The following CYP11B2 variants were observed in gnomAD, a reference collection of about 807,000 sequenced individuals.
CYP11B2 encodes the protein cytochrome P450 11B2, mitochondrial.
A neutral mutation model predicts 49.3 loss-of-function variants in CYP11B2; 38 were observed. The ratio of observed to expected loss-of-function variants is 0.77; its 90% CI spans 0.59 to 1.01. The LOEUF is 1.01. Among genes scored for constraint, CYP11B2 ranks in the 50% least tolerant of loss-of-function variants. The probability of loss-of-function intolerance (pLI) is 0.00; values close to 1 mark genes in which losing one functional copy is unlikely to be tolerated. For missense variants in CYP11B2, 669 were observed against 655.5 expected (o/e 1.02, Z -0.23); for synonymous variants, 290 against 269.3 (o/e 1.08, Z -0.75).
chr8:142,914,906 T>A lies in CYP11B2; in HGVS notation c.598A>T (p.Ser200Cys). Reference protein sequence around the residue: ...PSIFHYTIEASNLALFGERLG... With the variant: ...PSIFHYTIEACNLALFGERLG... ...CGCTCTCCAAAAAGAGCTAAGTTGC[T>A]GGCTGCGGGGAGGATGCACTGCTGA... Residue 200 changes from serine (S) to cysteine (C), a missense_variant and splice_region_variant, in exon 4 of 9, where the codon AGC (serine) becomes TGC (cysteine). Transcript: ENST00000323110. 5 of 1,613,810 alleles carry A rather than the reference T, an allele frequency of 3.1e-6. No individual in the cohort carries two copies. Among genetic ancestry groups the A allele is most frequent in the Non-Finnish European group, 4.2e-6 (5 of 1,179,968 alleles).
chr8:142,912,515 C>G lies in CYP11B2; in HGVS notation c.1398+15G>C, dbSNP rs1166643223. ...CTGCTGCCCAGGTCCCGCCCCCGCC[C>G]CCAGGCCTGCTTACGTGGTGCAGCA... On this transcript the variant is annotated intron_variant, in intron 8 of 8. Coordinates refer to ENST00000323110, the MANE Select transcript of CYP11B2 (RefSeq NM_000498.3). 1 of 1,611,192 alleles carries G rather than the reference C, an allele frequency of 6.2e-7. No individual in the cohort carries two copies. Among genetic ancestry groups the G allele is most frequent in the East Asian group, 2.2e-5 (1 of 44,860 alleles).
intron 1 of CYP11B2, 142 bp downstream of exon 1, chr8:142,917,460 T>A (rs1261255545): frequency 9.3e-6 from 15 of 1,608,996 alleles, no homozygotes; most frequent in Middle Eastern, 1.7e-4. Flanking sequence ...CAGACCAGCA[T>A]GTGCTGCACT....
At position 142,911,866 on chromosome 8, in the gene CYP11B2, G is replaced by A. The variant is rs1399615747; in HGVS notation, c.*114C>T. The A allele has an allele frequency of 6.6e-7, 1 of 1,517,840 alleles. No homozygotes were observed. The highest frequency in any genetic ancestry group is 1.4e-5 in the African/African-American group (1 of 73,072). The allele number at this position is 1,517,840 out of a possible 1,614,324, so 94.0% of individuals were successfully genotyped here. ...GGGAGTTCCATTTGTGCAGGAGCTG[G>A]CTGGACAGAGGGGTGACTCAGGAAG... On this transcript the variant is annotated 3_prime_UTR_variant, in exon 9 of 9. Transcript: ENST00000323110.
chr8:142,912,051 T>A lies in CYP11B2; in HGVS notation c.1441A>T (p.Ile481Leu), dbSNP rs1817545728. 9.3e-6 allele frequency: 15 copies of A among 1,614,086 alleles called. No individual in the cohort carries two copies. Among genetic ancestry groups the A allele is most frequent in the Non-Finnish European group, 1.3e-5 (15 of 1,179,974 alleles). ...AATATGAAGCTGTAGACCATCTTTA[T>A]GTCCTCTTGAGTTAGTGTCTCCACC... ...FLVETLTQED[I>L]KMVYSFILRP... Residue 481 changes from isoleucine (I) to leucine (L), a missense_variant, in exon 9 of 9, where the codon ATA (isoleucine) becomes TTA (leucine). Physicochemically the swap from Ile to Leu is conservative, Grantham distance 5. Transcript: ENST00000323110.
chr8:142,914,186 C>A (rs1266807372), intron 5 of CYP11B2, 78 bp downstream of exon 5: 5 of 1,540,410 alleles, frequency 3.2e-6, no homozygotes, highest in South Asian at 1.1e-5. Flanking sequence ...ACGTGGGTGC[C>A]GTGTGGCATT....
At chr8:142,913,539 G>A in intron 5 of CYP11B2, 88 bp from the exon 6 acceptor site, 1 of 1,513,992 alleles carries the variant, frequency 6.6e-7, no homozygotes, top group South Asian at 1.1e-5. Context: ...CCCTCTGAGG[G>A]GTGGAGACAT....
chr8:142,913,849 C>G (rs1817585664), intron 5 of CYP11B2: 1 of 467,556 alleles, frequency 2.1e-6, no homozygotes, highest in South Asian at 1.7e-5. Context: ...TTCCCCACAA[C>G]CCTGCCCTCC....
At position 142,914,586 on chromosome 8, in the gene CYP11B2, A is replaced by C. The variant is rs61757303; in HGVS notation, c.799+119T>G. ...CCTCGCACCAATCTCCCCGGCAGGA[A>C]GGTGAGGAATCCCCGACCCCTCCCT... On this transcript the variant is annotated intron_variant, in intron 4 of 8. Transcript: ENST00000323110. The C allele has an allele frequency of 4.6e-3, 6,218 of 1,341,610 alleles. 343 individuals carry two copies. The African/African-American group carries it at 0.085, about 18-fold the overall frequency. 83.1% of individuals were successfully genotyped at this position (1,341,610 alleles called of 1,614,324 possible). A position where few individuals can be genotyped will look rare whatever the true frequency, so the allele number is the denominator to read the frequency against.
At chr8:142,916,884 C>T (rs1817654952) in intron 2 of CYP11B2, among the ~76,000 whole-genome samples, 175 bp downstream of exon 2, 2 of 152,176 alleles carry the variant, frequency 1.3e-5, no homozygotes, top group South Asian at 4.1e-4. Flanking sequence ...TTCCCCAACC[C>T]ACAGTGCAGA....
rs768833174 is a variant in CYP11B2, at chr8:142,917,053, G to A, written c.395+6C>T. Reference sequence around the variant, plus strand: ...CCCAGCTCTCAGCTCCCAACTCGCCGCTTACAACAAGAACACGCCACATTT... The same window carrying A: ...CCCAGCTCTCAGCTCCCAACTCGCCACTTACAACAAGAACACGCCACATTT... On this transcript the variant is annotated splice_donor_region_variant and intron_variant, in intron 2 of 8. Transcript: ENST00000323110. 2.5e-5 allele frequency: 41 copies of A among 1,613,992 alleles called. 1 individual carries two copies. Among genetic ancestry groups the A allele is most frequent in the Middle Eastern group, 3.3e-4 (2 of 6,062 alleles).
At chr8:142,912,367 C>T (rs1220209449) in intron 8 of CYP11B2, among the ~76,000 whole-genome samples, 163 bp downstream of exon 8, 1 of 152,096 alleles carries the variant, frequency 6.6e-6, no homozygotes, top group Admixed American at 6.5e-5. Flanking sequence ...CAGATCCTAC[C>T]CTGTCTTGCT....
Position 142,914,761 on chromosome 8 carries a change from A to T in CYP11B2, c.743T>A (p.Ile248Asn). The change falls in exon 4 of 9, where the codon ATC (isoleucine) becomes AAC (asparagine). Residue 248 changes from isoleucine to asparagine, a missense_variant. Ile to Asn is a moderately radical substitution (Grantham distance 149). Coordinates refer to ENST00000323110, the MANE Select transcript of CYP11B2 (RefSeq NM_000498.3). ...GTGCTCCTTCCACACCTTGGGGCTG[A>T]TCCAGCGAGACAGGCTCCTGGGCAT... ...MFMPRSLSRW[I>N]SPKVWKEHFE... 1 of 1,611,582 alleles carries T rather than the reference A, an allele frequency of 6.2e-7. No homozygotes were observed. Among genetic ancestry groups the T allele is most frequent in the Non-Finnish European group, 8.5e-7 (1 of 1,178,992 alleles).
At chr8:142,917,281 C>G (rs1379127216) in intron 1 of CYP11B2, 67 bp from the exon 2 acceptor site, 8 of 1,558,922 alleles carry the variant, frequency 5.1e-6, no homozygotes, top group Non-Finnish European at 7.1e-6. Context: ...CCTGCAGTCC[C>G]AATCCAAAGT....
In CYP11B2 at chr8:142,911,147, A is replaced by T. The variant is rs1427075993; in HGVS notation, c.*833T>A. On this transcript the variant is annotated 3_prime_UTR_variant, in exon 9 of 9. Coordinates refer to ENST00000323110, the MANE Select transcript of CYP11B2 (RefSeq NM_000498.3). ...ACTCATCTGAGTCCTTGTTGGCCCAATCCTGTCTCTCCTGTTGCCAAAAAC... is the reference window on the plus strand; with the variant it reads ...ACTCATCTGAGTCCTTGTTGGCCCATTCCTGTCTCTCCTGTTGCCAAAAAC... The T allele has an allele frequency of 1.3e-5, 2 of 152,126 alleles. No individual in the cohort carries two copies. Among genetic ancestry groups the T allele is most frequent in the Non-Finnish European group, 2.9e-5 (2 of 68,062 alleles). The allele number at this position is 152,126 out of a possible 1,614,324, so 9.4% of individuals were successfully genotyped here.
Position 142,914,928 on chromosome 8 carries a change from C to T in CYP11B2, c.596-20G>A. The T allele has an allele frequency of 6.2e-7, 1 of 1,613,084 alleles. No homozygotes were observed. The highest frequency in any genetic ancestry group is 1.1e-5 in the South Asian group (1 of 90,880). Reference sequence around the variant, plus strand: ...TGCTGGCTGCGGGGAGGATGCACTGCTGAGCACAAGGCAGCCCCAGGCCTC... The same window carrying T: ...TGCTGGCTGCGGGGAGGATGCACTGTTGAGCACAAGGCAGCCCCAGGCCTC... On this transcript the variant is annotated intron_variant, in intron 3 of 8. Coordinates refer to ENST00000323110, the MANE Select transcript of CYP11B2 (RefSeq NM_000498.3).
chr8:142,911,860 G>A lies in CYP11B2; in HGVS notation c.*120C>T, dbSNP rs1342415089. 1 of 1,486,798 alleles carries A rather than the reference G, an allele frequency of 6.7e-7. No homozygotes were observed. The highest frequency in any genetic ancestry group is 1.4e-5 in the African/African-American group (1 of 72,432). The allele number at this position is 1,486,798 out of a possible 1,614,324, so 92.1% of individuals were successfully genotyped here. On this transcript the variant is annotated 3_prime_UTR_variant, in exon 9 of 9. Transcript: ENST00000323110. Reference sequence around the variant, plus strand: ...GCCCTGGGGAGTTCCATTTGTGCAGGAGCTGGCTGGACAGAGGGGTGACTC... The same window carrying A: ...GCCCTGGGGAGTTCCATTTGTGCAGAAGCTGGCTGGACAGAGGGGTGACTC...
chr8:142,913,519 A>G, intron 5 of CYP11B2, 68 bp from the exon 6 acceptor site: 3 of 1,597,936 alleles, frequency 1.9e-6, no homozygotes, highest in Middle Eastern at 3.3e-4. Context: ...CACCCCTCCC[A>G]GGACAACCTC....
In CYP11B2 at chr8:142,915,131, C is replaced by G. The variant is rs1424960282; in HGVS notation, c.510G>C (p.Gln170His). The G allele has an allele frequency of 6.2e-7, 1 of 1,613,808 alleles. No homozygotes were observed. ...TCTGCAGCACCTTCTTCTTCAGGGC[C>G]TGGGAGAAGTCCCTGGCCACTGCAT... Reference protein sequence around the residue: ...MVDAVARDFSQALKKKVLQNA... With the variant: ...MVDAVARDFSHALKKKVLQNA... Residue 170 changes from glutamine to histidine, a missense_variant, in exon 3 of 9, where the codon CAG becomes CAC. Gln to His is a conservative substitution (Grantham distance 24, BLOSUM62 0). Coordinates refer to ENST00000323110, the MANE Select transcript of CYP11B2 (RefSeq NM_000498.3).
At chr8:142,914,500 C>A (rs949298974) in intron 4 of CYP11B2, 82 bp from the exon 5 acceptor site, 1 of 1,478,124 alleles carries the variant, frequency 6.8e-7, no homozygotes, top group East Asian at 2.4e-5. Context: ...CAGACTGCCC[C>A]GACACCCAAA....
Sources: gnomAD v4.1 joint callset for allele counts (sites outside exome capture counted in the v4.1 genomes callset) on GRCh38, gnomAD v4.1.1 for gene constraint, MANE v1.5 for transcripts, NCBI Gene and HGNC (gene_info 2026-07-23, HGNC 2026-07-21) for gene names.